Variants in MGAT4C observed in about 807,000 individuals in gnomAD.
MGAT4C encodes the protein alpha-1,3-mannosyl-glycoprotein 4-beta-N-acetylglucosaminyltransferase C.
In MGAT4C, 19 loss-of-function variants were observed where a neutral mutation model predicts 40.1. That is an observed-to-expected ratio of 0.47 (90% confidence interval 0.33 to 0.70). The LOEUF (loss-of-function observed/expected upper bound fraction) is 0.70. MGAT4C is among the 30% of genes least tolerant of loss of function. The pLI is 0.02. For synonymous variants in MGAT4C, 181 were observed against 187.1 expected, an observed-to-expected ratio of 0.97 and a Z score of 0.27; for missense variants, 491 against 563.2, an observed-to-expected ratio of 0.87 and a Z score of 1.30.
At chr12:86,415,686 C>T (rs1468434948) in intron 3 of MGAT4C, among the ~76,000 whole-genome samples, 6 of 151,850 alleles carry the variant, frequency 4.0e-5, no homozygotes, top group Admixed American at 3.3e-4. Flanking sequence ...AATGAAGATA[C>T]AAAACCTTGA....
At chr12:86,166,118 T>C (rs1173947035) in intron 1 of MGAT4C, among the ~76,000 whole-genome samples, 1 of 152,186 alleles carries the variant, frequency 6.6e-6, no homozygotes, top group African/African-American at 2.4e-5. Context: ...TTGAGTCATA[T>C]CTAAAATTAT....
chr12:86,836,617 A>G (rs1029273851), intron 1 of MGAT4C, among the ~76,000 whole-genome samples: 6 of 152,120 alleles, frequency 3.9e-5, no homozygotes, highest in African/African-American at 1.4e-4. Context: ...ATGGGGAGGC[A>G]AGAGACACTA....
At chr12:86,222,799 T>G (rs937721339) in intron 1 of MGAT4C, among the ~76,000 whole-genome samples, 1 of 152,244 alleles carries the variant, frequency 6.6e-6, no homozygotes, top group Non-Finnish European at 1.5e-5. Context: ...GTAGAGAAGG[T>G]TAATGTCAAG....
intron 3 of MGAT4C, among the ~76,000 whole-genome samples, chr12:86,362,866 C>CAAAAAAAA (rs55701637): frequency 9.5e-6 from 1 of 104,724 alleles, no homozygotes; most frequent in Non-Finnish European, 1.7e-5. Context: ...GACTCCATCT[C>CAAAAAAAA]AAAAAAAAAA....
At chr12:86,564,925 AG>A (rs1960025058) in intron 2 of MGAT4C, among the ~76,000 whole-genome samples, 1 of 152,188 alleles carries the variant, frequency 6.6e-6, no homozygotes, top group Admixed American at 6.5e-5. Flanking sequence ...TTGAGGTGTC[AG>A]GGGCAGAGAG....
intron 4 of MGAT4C, among the ~76,000 whole-genome samples, chr12:86,272,265 T>C (rs767951614): frequency 6.6e-6 from 1 of 152,236 alleles, no homozygotes; most frequent in Non-Finnish European, 1.5e-5. Context: ...ATTGTCTATA[T>C]AGGCCACATA....
intron 2 of MGAT4C, among the ~76,000 whole-genome samples, chr12:86,462,285 T>C (rs1027178956): frequency 2.0e-5 from 3 of 152,204 alleles, no homozygotes; most frequent in Admixed American, 2.0e-4. Flanking sequence ...AGTTAAAGAA[T>C]GTAGTAATTC....
chr12:86,335,025 T>C (rs1033639248), intron 3 of MGAT4C, among the ~76,000 whole-genome samples: 3 of 149,518 alleles, frequency 2.0e-5, no homozygotes, highest in African/African-American at 7.6e-5. Flanking sequence ...TATTCCCCAG[T>C]TTATTTAAAT....
intron 2 of MGAT4C, among the ~76,000 whole-genome samples, chr12:86,020,870 T>A (rs374332807): frequency 6.6e-6 from 1 of 152,020 alleles, no homozygotes; most frequent in East Asian, 1.9e-4. Flanking sequence ...GAATCTACAA[T>A]GAACTCAAAC....
chr12:86,540,704 C>G (rs2136384812), intron 2 of MGAT4C, among the ~76,000 whole-genome samples: 1 of 152,100 alleles, frequency 6.6e-6, no homozygotes, highest in Non-Finnish European at 1.5e-5. Flanking sequence ...CCACTGCACT[C>G]CAGCCTGAGT....
intron 1 of MGAT4C, among the ~76,000 whole-genome samples, chr12:86,159,083 G>A (rs1358683666): frequency 4.6e-5 from 7 of 152,118 alleles, no homozygotes; most frequent in Non-Finnish European, 2.9e-5. Flanking sequence ...AATAGAAGTG[G>A]TGAGAGTAGG....
intron 2 of MGAT4C, among the ~76,000 whole-genome samples, chr12:86,690,080 C>T (rs1188364332): frequency 6.6e-6 from 1 of 152,138 alleles, no homozygotes; most frequent in Non-Finnish European, 1.5e-5. Context: ...AGGTTCCACC[C>T]AATTCGAACT....
intron 1 of MGAT4C, among the ~76,000 whole-genome samples, chr12:86,232,191 A>G (rs1442239459): frequency 6.6e-6 from 1 of 152,006 alleles, no homozygotes; most frequent in Non-Finnish European, 1.5e-5. Flanking sequence ...CTTACTAAAG[A>G]TTTCCAGTTT....
chr12:86,757,254 A>T (rs1206262612), intron 1 of MGAT4C, among the ~76,000 whole-genome samples: 3 of 152,102 alleles, frequency 2.0e-5, no homozygotes, highest in Admixed American at 2.0e-4. Context: ...ATTAGGAGAA[A>T]GACCTAATGT....
intron 2 of MGAT4C, among the ~76,000 whole-genome samples, chr12:86,584,727 G>T (rs1960934768): frequency 6.6e-6 from 1 of 151,230 alleles, no homozygotes; most frequent in African/African-American, 2.4e-5. Flanking sequence ...AGTTTTGAGT[G>T]AAGTCCAATT....
chr12:86,765,201 G>C (rs1051497045), intron 1 of MGAT4C, among the ~76,000 whole-genome samples: 1 of 152,130 alleles, frequency 6.6e-6, no homozygotes, highest in African/African-American at 2.4e-5. Flanking sequence ...GCCAAGGCTC[G>C]AGAACTACGT....
chr12:86,657,023 T>C (rs1417985754), intron 2 of MGAT4C, among the ~76,000 whole-genome samples: 1 of 152,106 alleles, frequency 6.6e-6, no homozygotes, highest in East Asian at 1.9e-4. Context: ...ATTTTGTTTA[T>C]ATGTGAATTG....
At chr12:86,764,272 G>C (rs1156386793) in intron 1 of MGAT4C, among the ~76,000 whole-genome samples, 1 of 152,154 alleles carries the variant, frequency 6.6e-6, no homozygotes, top group African/African-American at 2.4e-5. Context: ...TAGCACAGCA[G>C]TCTGAGATCA....
intron 2 of MGAT4C, among the ~76,000 whole-genome samples, chr12:86,507,261 A>T (rs1958487085): frequency 6.6e-6 from 1 of 152,208 alleles, no homozygotes; most frequent in African/African-American, 2.4e-5. Flanking sequence ...GTCTACTATT[A>T]TTCATCTAAT....
Sources: allele counts gnomAD v4.1 joint callset (sites outside exome capture counted in the v4.1 genomes callset), GRCh38; gene constraint gnomAD v4.1.1; transcripts MANE v1.5; gene names NCBI Gene and HGNC (gene_info 2026-07-23, HGNC 2026-07-21).